HAUS5: variants seen among roughly 807,000 people sequenced by gnomAD.
HAUS5 encodes HAUS augmin like complex subunit 5.
In HAUS5, 67 loss-of-function variants were observed where a neutral mutation model predicts 94.1. The ratio of observed to expected loss-of-function variants is 0.71; its 90% confidence interval spans 0.58 to 0.87. The LOEUF (loss-of-function observed/expected upper bound fraction) is 0.87. Ranked by LOEUF, HAUS5 falls within the 40% of genes least tolerant of loss-of-function variation. The probability of loss-of-function intolerance (pLI) is 0.00; values close to 1 mark genes in which losing one functional copy is unlikely to be tolerated. For synonymous variants in HAUS5, 339 were observed against 355.4 expected (o/e 0.95, Z 0.52); for missense variants, 739 against 825.6 (o/e 0.90, Z 1.29).
rs1197540593 is a variant in HAUS5, at chr19:35,615,238, G to A, written c.337G>A (p.Glu113Lys). Residue 113 changes from glutamate to lysine, a missense_variant, in exon 6 of 19, where the codon GAG (glutamate) becomes AAG (lysine). Transcript: ENST00000203166. ...TGTTCCTCCCACAGACACGGCCATG[G>A]AGCAGGCACGTCAGCACACTCAAGA... The part of the protein sequence containing the change: ...RDTEAQDTAM[E>K]QARQHTQDTQ... The A allele has an allele frequency of 6.2e-7, 1 of 1,614,040 alleles. No individual in the cohort carries two copies. Among genetic ancestry groups the A allele is most frequent in the East Asian group, 2.2e-5 (1 of 44,882 alleles).
At chr19:35,615,779 G>A (rs964637043) in intron 6 of HAUS5, among the ~76,000 whole-genome samples, 1 of 152,188 alleles carries the variant, frequency 6.6e-6, no homozygotes, top group East Asian at 1.9e-4. Context: ...GGTGGTCAGC[G>A]AAGGCCTCTG....
At chr19:35,615,419 G>C (rs1242319453) in intron 6 of HAUS5, 33 bp downstream of exon 6, 3 of 1,560,914 alleles carry the variant, frequency 1.9e-6, no homozygotes, top group African/African-American at 2.7e-5. Context: ...CACCAGGCTG[G>C]GTGGCCAGAC....
chr19:35,621,748 C>T (rs1967212161), intron 17 of HAUS5, among the ~76,000 whole-genome samples: 1 of 152,166 alleles, frequency 6.6e-6, no homozygotes, highest in East Asian at 1.9e-4. Context: ...CTAAGGGTCC[C>T]ATCCCCAGAG....
Position 35,618,412 on chromosome 19 carries a change from C to T in HAUS5, c.832C>T (p.Pro278Ser), listed in dbSNP as rs1967141699. 1 of 1,613,464 alleles carries T rather than the reference C, an allele frequency of 6.2e-7. No individual in the cohort carries two copies. Among genetic ancestry groups the T allele is most frequent in the Admixed American group, 1.7e-5 (1 of 60,004 alleles). ...GDTEISRPQA[P>S]DQSDSSQTLP... ...CTTCCCCCACCCCAGACCCCAGGCC[C>T]CGGACCAGTCAGACTCCAGCCAGAC... The change falls in exon 11 of 19, where the codon CCG becomes TCG. Residue 278 changes from proline to serine, a missense_variant. Pro to Ser is a moderately conservative substitution (Grantham distance 74). Transcript: ENST00000203166.
In HAUS5 at chr19:35,618,394, C is replaced by G. The variant is rs751184887; in HGVS notation, c.822-8C>G. The G allele has an allele frequency of 6.2e-6, 10 of 1,610,110 alleles. No individual in the cohort carries two copies. Among genetic ancestry groups the G allele is most frequent in the Admixed American group, 1.7e-5 (1 of 59,946 alleles). Reference sequence around the variant, plus strand: ...ACGGCTCCCTCAGCAGCTCTTCCCCCACCCCAGACCCCAGGCCCCGGACCA... The same window carrying G: ...ACGGCTCCCTCAGCAGCTCTTCCCCGACCCCAGACCCCAGGCCCCGGACCA... On this transcript the variant is annotated splice_polypyrimidine_tract_variant and splice_region_variant and intron_variant, in intron 10 of 18. Coordinates refer to ENST00000203166, the MANE Select transcript of HAUS5 (RefSeq NM_015302.2).
chr19:35,621,456 C>T (rs1299125477), intron 17 of HAUS5, among the ~76,000 whole-genome samples: 1 of 152,202 alleles, frequency 6.6e-6, no homozygotes, highest in Non-Finnish European at 1.5e-5. Flanking sequence ...CATCCTCCTG[C>T]CTCAGCCTCC....
At chr19:35,622,792 C>A in intron 18 of HAUS5, 59 bp downstream of exon 18, 1 of 1,611,294 alleles carries the variant, frequency 6.2e-7, no homozygotes, top group Non-Finnish European at 8.5e-7. Flanking sequence ...AGCTGGGGGC[C>A]TGATGAGAAG....
chr19:35,615,272 G>A lies in HAUS5; in HGVS notation c.371G>A (p.Arg124His), dbSNP rs766423063. The part of the protein sequence containing the change: ...QARQHTQDTQ[R>H]RALLLRAQAG... The stretch of plus-strand genomic sequence containing the variant: ...CGTCAGCACACTCAAGACACCCAGC[G>A]TCGAGCTCTCCTCCTCCGGGCCCAA... Residue 124 changes from arginine (R) to histidine (H), a missense_variant, in exon 6 of 19, where the codon CGT becomes CAT. Physicochemically the swap from Arg to His is conservative, Grantham distance 29. Coordinates refer to ENST00000203166, the MANE Select transcript of HAUS5 (RefSeq NM_015302.2). The A allele has an allele frequency of 2.4e-5, 38 of 1,613,924 alleles. No individual in the cohort carries two copies. Among genetic ancestry groups the A allele is most frequent in the East Asian group, 6.7e-5 (3 of 44,890 alleles).
At chr19:35,622,292 C>T (rs1195994368) in intron 17 of HAUS5, among the ~76,000 whole-genome samples, 3 of 151,438 alleles carry the variant, frequency 2.0e-5, no homozygotes, top group Admixed American at 6.6e-5. Context: ...GGAGACTGAG[C>T]GGACAGGCCA....
chr19:35,616,189 G>A (rs8107941), intron 6 of HAUS5, among the ~76,000 whole-genome samples: 60,382 of 151,660 alleles, frequency 0.4, 14,688 homozygotes, highest in African/African-American at 0.67. Context: ...GTGGTGGCAC[G>A]TGCCTGTAGT....
Position 35,617,159 on chromosome 19 carries a change from C to A in HAUS5, c.521C>A (p.Thr174Lys). ...GTAGATGTGACCTTTGGATCCCTCA[C>A]GTCGGCAGCTCTGGGCCTGGAGCCC... ...AKVDVTFGSLTSAALGLEPVV... is the reference protein window; with the variant it reads ...AKVDVTFGSLKSAALGLEPVV... Residue 174 changes from threonine (T) to lysine (K), a missense_variant, in exon 7 of 19, where the codon ACG (threonine) becomes AAG (lysine). Physicochemically the swap from Thr to Lys is moderately conservative, Grantham distance 78 (BLOSUM62 -1). Transcript: ENST00000203166. 1 of 1,614,050 alleles carries A rather than the reference C, an allele frequency of 6.2e-7. No homozygotes were observed. The highest frequency in any genetic ancestry group is 8.5e-7 in the Non-Finnish European group (1 of 1,179,914).
chr19:35,617,159 C>T lies in HAUS5; in HGVS notation c.521C>T (p.Thr174Met), dbSNP rs201729720. The change falls in exon 7 of 19, where the codon ACG (threonine) becomes ATG (methionine). Residue 174 changes from threonine (T) to methionine (M), a missense_variant. Thr to Met is a moderately conservative substitution (Grantham distance 81). Transcript: ENST00000203166. ...GTAGATGTGACCTTTGGATCCCTCACGTCGGCAGCTCTGGGCCTGGAGCCC... is the reference window on the plus strand; with the variant it reads ...GTAGATGTGACCTTTGGATCCCTCATGTCGGCAGCTCTGGGCCTGGAGCCC... ...AKVDVTFGSL[T>M]SAALGLEPVV... 30 of 1,614,050 alleles carry T rather than the reference C, an allele frequency of 1.9e-5. No homozygotes were observed. Among genetic ancestry groups the T allele is most frequent in the Admixed American group, 1.7e-4 (10 of 60,022 alleles).
At chr19:35,621,060 AG>A (rs1967201758) in intron 17 of HAUS5, among the ~76,000 whole-genome samples, 1 of 152,200 alleles carries the variant, frequency 6.6e-6, no homozygotes, top group South Asian at 2.1e-4. Context: ...GTGAGGAGAA[AG>A]GTCCCCACCC....
intron 13 of HAUS5, 121 bp downstream of exon 13, chr19:35,619,170 C>A: frequency 9.3e-7 from 1 of 1,078,918 alleles, no homozygotes; most frequent in Non-Finnish European, 1.3e-6. Context: ...CTTTGGGAGG[C>A]TGAGGTGGGA....
rs2071949283 is a variant in HAUS5 at position 35,617,018 on chromosome 19, T to C, written c.486-106T>C. The C allele has an allele frequency of 1.6e-5, 14 of 900,728 alleles. No homozygotes were observed. The South Asian group carries it at 2.0e-4, about 13-fold the overall frequency. 55.8% of individuals were successfully genotyped at this position (900,728 alleles called of 1,614,324 possible). A position where few individuals can be genotyped will look rare whatever the true frequency, so the allele number is the denominator to read the frequency against. On this transcript the variant is annotated intron_variant, in intron 6 of 18. Transcript: ENST00000203166. ...TAATCTGGAGATGGCTCCCGAGATC[T>C]AGGCTTAGTGATTCCTCTGACCGGC...
At chr19:35,613,426 GT>G (rs1197639186) in intron 1 of HAUS5, among the ~76,000 whole-genome samples, 1 of 152,042 alleles carries the variant, frequency 6.6e-6, no homozygotes, top group Non-Finnish European at 1.5e-5. Flanking sequence ...CAAAAAAAAT[GT>G]TTTACCAATT....
At chr19:35,613,358 A>C (rs12980989) in intron 1 of HAUS5, among the ~76,000 whole-genome samples, 19,817 of 151,652 alleles carry the variant, frequency 0.13, 1,579 homozygotes, top group East Asian at 0.33. Context: ...CTCCCCCACC[A>C]CCCGCCTTCC....
rs758957721 is a variant in HAUS5, at chr19:35,618,969, G to A, written c.1099G>A (p.Asp367Asn). Reference protein sequence around the residue: ...ALHDQSQELQDAAGHRQLLLR... With the variant: ...ALHDQSQELQNAAGHRQLLLR... ...GCACGATCAGAGCCAGGAGCTGCAG[G>A]ATGCAGCTGGGCATCGGCAGCTCCT... Residue 367 changes from aspartate (D) to asparagine (N), a missense_variant, in exon 13 of 19, where the codon GAT (aspartate) becomes AAT (asparagine). By Grantham distance (23) the Asp-to-Asn change is conservative (BLOSUM62 1). Transcript: ENST00000203166. 6.2e-7 allele frequency: 1 copy of A among 1,613,306 alleles called. No homozygotes were observed. Among genetic ancestry groups the A allele is most frequent in the Non-Finnish European group, 8.5e-7 (1 of 1,179,578 alleles).
At chr19:35,615,200 T>C in intron 5 of HAUS5, 27 bp from the exon 6 acceptor site, 1 of 1,612,894 alleles carries the variant, frequency 6.2e-7, no homozygotes, top group Non-Finnish European at 8.5e-7. Flanking sequence ...GGAAAGGTGC[T>C]GATGGCCACC....
Sources: allele counts gnomAD v4.1 joint callset (sites outside exome capture counted in the v4.1 genomes callset), GRCh38; gene constraint gnomAD v4.1.1; transcripts MANE v1.5; gene names NCBI Gene and HGNC (gene_info 2026-07-23, HGNC 2026-07-21).